Variants in TLR10 observed in about 807,000 individuals in gnomAD.
TLR10 encodes toll like receptor 10.
For missense variants in TLR10, 929 were observed against 932.9 expected, an observed-to-expected ratio of 1.00 and a Z score of 0.05; for synonymous variants, 288 against 338.8, an observed-to-expected ratio of 0.85 and a Z score of 1.65.
chr4:38,773,912 C>G lies in TLR10; in HGVS notation c.1679G>C (p.Arg560Thr). Residue 560 changes from arginine to threonine, a missense_variant, in exon 4 of 4, where the codon AGG becomes ACG. Transcript: ENST00000308973. ...ATGAACGTCTTTTAACCTAGTTCCC[C>G]TTAGGTTTAAAGGGTATTCACAGGT... is the stretch of plus-strand genomic sequence containing the variant. Reference protein sequence around the residue: ...SYTCEYPLNLRGTRLKDVHLH... With the variant: ...SYTCEYPLNLTGTRLKDVHLH... 1.3e-6 allele frequency: 2 copies of G among 1,591,562 alleles called. No individual in the cohort carries two copies. The highest frequency in any genetic ancestry group is 1.7e-6 in the Non-Finnish European group (2 of 1,169,282).
chr4:38,779,932 C>T (rs1725288860), intron 1 of TLR10, among the ~76,000 whole-genome samples: 1 of 152,174 alleles, frequency 6.6e-6, no homozygotes, highest in Non-Finnish European at 1.5e-5. Context: ...ACACATGGTG[C>T]CTGCTCATTA....
intron 1 of TLR10, among the ~76,000 whole-genome samples, chr4:38,777,881 G>A (rs1346303901): frequency 6.6e-6 from 1 of 152,220 alleles, no homozygotes; most frequent in Non-Finnish European, 1.5e-5. Context: ...AATTGTGGAA[G>A]ACAATGTGGC....
rs1256239382 is a variant in TLR10 at position 38,774,075 on chromosome 4, C to T, written c.1516G>A (p.Asp506Asn). ...EMNFILSPSL[D>N]FVQSCQEVKT... ...ACTTCCTGGCAGCTCTGAACAAAAT[C>T]CAGAGATGGGCTGAGAATGAAGTTC... is the stretch of plus-strand genomic sequence containing the variant. The change falls in exon 4 of 4, where the codon GAT becomes AAT. Residue 506 changes from aspartate to asparagine, a missense_variant. Coordinates refer to ENST00000308973, the MANE Select transcript of TLR10 (RefSeq NM_030956.4). The T allele has an allele frequency of 6.2e-7, 1 of 1,612,602 alleles. No individual in the cohort carries two copies. Among genetic ancestry groups the T allele is most frequent in the South Asian group, 1.1e-5 (1 of 91,024 alleles).
chr4:38,774,348 C>A lies in TLR10; in HGVS notation c.1243G>T (p.Glu415Ter), dbSNP rs767103640. 2 of 1,611,556 alleles carry A rather than the reference C, an allele frequency of 1.2e-6. No homozygotes were observed. Among genetic ancestry groups the A allele is most frequent in the East Asian group, 4.5e-5 (2 of 44,852 alleles). ...ACAGTTTCTGGCCATGAGCAATTTT[C>A]ATCATTTTTATGTTGTAATAGATTT... The part of the protein sequence containing the change: ...SQNLLQHKND[E>*]NCSWPETVVN... The change falls in exon 4 of 4, where the codon GAA becomes TAA. Residue 415 changes from glutamate (E) to a stop codon, truncating the protein, a stop_gained. Coordinates refer to ENST00000308973, the MANE Select transcript of TLR10 (RefSeq NM_030956.4). LOFTEE classifies it low-confidence loss of function (END_TRUNC).
chr4:38,779,313 T>C (rs927920555), intron 1 of TLR10, among the ~76,000 whole-genome samples: 1 of 152,222 alleles, frequency 6.6e-6, no homozygotes, highest in African/African-American at 2.4e-5. Context: ...AGCAATCATT[T>C]TGGTAAGGTC....
In TLR10 at chr4:38,773,920, T is replaced by G. The variant is rs1462679630; in HGVS notation, c.1671A>C (p.Leu557Phe). Residue 557 changes from leucine to phenylalanine, a missense_variant, in exon 4 of 4, where the codon TTA becomes TTC. By Grantham distance (22) the Leu-to-Phe change is conservative. Coordinates refer to ENST00000308973, the MANE Select transcript of TLR10 (RefSeq NM_030956.4). ...WSDSYTCEYP[L>F]NLRGTRLKDV... ...CTTTTAACCTAGTTCCCCTTAGGTT[T>G]AAAGGGTATTCACAGGTGTATGAAT... 3.1e-6 allele frequency: 5 copies of G among 1,589,734 alleles called. No homozygotes were observed. In the South Asian group the frequency reaches 5.8e-5, roughly 18 times the overall value.
Position 38,774,761 on chromosome 4 carries a change from C to A in TLR10, c.830G>T (p.Arg277Leu), listed in dbSNP as rs372475414. ...WHTSVEHFQI[R>L]NVTFGGKAYL... is the part of the protein sequence containing the mutation. ...AGCCTTACCACCAAAAGTCACATTT[C>A]GGATCTGAAAGTGTTCCACTGATGT... Residue 277 changes from arginine (R) to leucine (L), a missense_variant, in exon 4 of 4, where the codon CGA (arginine) becomes CTA (leucine). Arg to Leu is a moderately radical substitution (Grantham distance 102). Coordinates refer to ENST00000308973, the MANE Select transcript of TLR10 (RefSeq NM_030956.4). 5 of 1,601,958 alleles carry A rather than the reference C, an allele frequency of 3.1e-6. No homozygotes were observed. The highest frequency in any genetic ancestry group is 4.3e-6 in the Non-Finnish European group (5 of 1,176,154).
chr4:38,774,709 G>A lies in TLR10; in HGVS notation c.882C>T (p.Tyr294=). The change falls in exon 4 of 4, where the codon TAC becomes TAT. Residue 294 remains tyrosine, a synonymous_variant. Coordinates refer to ENST00000308973, the MANE Select transcript of TLR10 (RefSeq NM_030956.4). ...TTATAGTTCTCATTACAGTATTTGA[G>A]TAGTCAAATGAATTGTGGTCAAGAT... ...KAYLDHNSFD[Y]SNTVMRTIKL... is the part of the protein sequence containing the mutation. 6.3e-7 allele frequency: 1 copy of A among 1,578,330 alleles called. No homozygotes were observed. Among genetic ancestry groups the A allele is most frequent in the African/African-American group, 1.4e-5 (1 of 73,204 alleles).
Position 38,773,068 on chromosome 4 carries a change from A to T in TLR10, c.*87T>A. On this transcript the variant is annotated 3_prime_UTR_variant, in exon 4 of 4. Coordinates refer to ENST00000308973, the MANE Select transcript of TLR10 (RefSeq NM_030956.4). ...GAATAACCATTTTTTATTTTAATAA[A>T]TATTGTCAAATTGCCATCATAAAGG... 1 of 1,256,646 alleles carries T rather than the reference A, an allele frequency of 8.0e-7. No homozygotes were observed. 77.8% of individuals were successfully genotyped at this position (1,256,646 alleles called of 1,614,324 possible).
Position 38,775,643 on chromosome 4 carries a change from G to T in TLR10, c.-53C>A. Reference sequence around the variant, plus strand: ...TTCCTCATATGAATGATGAAGATGAGCTCAAAACCCTAAAAAAAAGTATAT... The same window carrying T: ...TTCCTCATATGAATGATGAAGATGATCTCAAAACCCTAAAAAAAAGTATAT... On this transcript the variant is annotated 5_prime_UTR_variant, in exon 4 of 4. Transcript: ENST00000308973. The T allele has an allele frequency of 6.8e-7, 1 of 1,465,286 alleles. No homozygotes were observed. The highest frequency in any genetic ancestry group is 9.1e-7 in the Non-Finnish European group (1 of 1,093,832). The allele number at this position is 1,465,286 out of a possible 1,614,324, so 90.8% of individuals were successfully genotyped here. A position where few individuals can be genotyped will look rare whatever the true frequency, so the allele number is the denominator to read the frequency against.
Position 38,775,210 on chromosome 4 carries a change from A to AT in TLR10, c.380dup (p.Asn127LysfsTer2). The AT allele has an allele frequency of 6.2e-7, 1 of 1,612,884 alleles. No homozygotes were observed. Among genetic ancestry groups the AT allele is most frequent in the Non-Finnish European group, 8.5e-7 (1 of 1,179,670 alleles). ...CACAGATAGGCATGGTGTCAAAGTC[A>AT]TTAAAAGAAAGATCTAAATACCTGA... On this transcript the variant is annotated frameshift_variant, in exon 4 of 4. Transcript: ENST00000308973. LOFTEE classifies it low-confidence loss of function (END_TRUNC).
chr4:38,775,453 C>G lies in TLR10; in HGVS notation c.138G>C (p.Leu46Phe), dbSNP rs746309428. The change falls in exon 4 of 4, where the codon TTG (leucine) becomes TTC (phenylalanine). Residue 46 changes from leucine to phenylalanine, a missense_variant. Transcript: ENST00000308973. ...AATCCAGTGTCGTTGTGGCTGGGGT[C>G]AAGTCTGCGGGAACCTTTCTTAGAG... is the stretch of plus-strand genomic sequence containing the variant. The part of the protein sequence containing the change: ...NMSLRKVPAD[L>F]TPATTTLDLS... 5 of 1,614,088 alleles carry G rather than the reference C, an allele frequency of 3.1e-6. No homozygotes were observed. The South Asian group carries it at 5.5e-5, about 18-fold the overall frequency.
chr4:38,778,836 T>G (rs561154300), intron 1 of TLR10: 4 of 152,194 alleles, frequency 2.6e-5, no homozygotes, highest in Admixed American at 2.6e-4. Flanking sequence ...GTGCGTGTCA[T>G]GTTCCCATCA....
Position 38,774,437 on chromosome 4 carries a change from T to A in TLR10, c.1154A>T (p.Glu385Val). 8 of 1,613,072 alleles carry A rather than the reference T, an allele frequency of 5.0e-6. No individual in the cohort carries two copies. Among genetic ancestry groups the A allele is most frequent in the Non-Finnish European group, 6.8e-6 (8 of 1,179,726 alleles). ...AAAGCAACTTACTAAAGAAAGTGTCTCCAGTTTATTGCCATTCAAAATGAG... is the reference window on the plus strand; with the variant it reads ...AAAGCAACTTACTAAAGAAAGTGTCACCAGTTTATTGCCATTCAAAATGAG... ...KTLILNGNKL[E>V]TLSLVSCFAN... The change falls in exon 4 of 4, where the codon GAG (glutamate) becomes GTG (valine). Residue 385 changes from glutamate to valine, a missense_variant. By Grantham distance (121) the Glu-to-Val change is moderately radical. Coordinates refer to ENST00000308973, the MANE Select transcript of TLR10 (RefSeq NM_030956.4).
Position 38,773,331 on chromosome 4 carries a change from A to G in TLR10, c.2260T>C (p.Tyr754His). 1 of 1,613,934 alleles carries G rather than the reference A, an allele frequency of 6.2e-7. No individual in the cohort carries two copies. The highest frequency in any genetic ancestry group is 8.5e-7 in the Non-Finnish European group (1 of 1,179,964). ...CGCCTATCCTTGGGCCATTCCAAGT[A>G]TGCTTTTTTTTCCAGGAGAGCTTTC... ...KLKALLEKKA[Y>H]LEWPKDRRKC... The change falls in exon 4 of 4, where the codon TAC (tyrosine) becomes CAC (histidine). Residue 754 changes from tyrosine to histidine, a missense_variant. Tyr to His is a moderately conservative substitution (Grantham distance 83, BLOSUM62 2). Coordinates refer to ENST00000308973, the MANE Select transcript of TLR10 (RefSeq NM_030956.4).
In TLR10 at chr4:38,775,211, T is replaced by C. The variant is rs114573525; in HGVS notation, c.380A>G (p.Asn127Ser). Residue 127 changes from asparagine to serine, a missense_variant, in exon 4 of 4, where the codon AAT (asparagine) becomes AGT (serine). Asn to Ser is a conservative substitution (Grantham distance 46, BLOSUM62 1). Coordinates refer to ENST00000308973, the MANE Select transcript of TLR10 (RefSeq NM_030956.4). ...AGLRYLDLSF[N>S]DFDTMPICEE... ...ACAGATAGGCATGGTGTCAAAGTCA[T>C]TAAAAGAAAGATCTAAATACCTGAG... 7.8e-5 allele frequency: 126 copies of C among 1,612,892 alleles called. No homozygotes were observed. In the African/African-American group the frequency reaches 1.6e-3, roughly 20 times the overall value.
chr4:38,775,481 A>C lies in TLR10; in HGVS notation c.110T>G (p.Met37Arg). Residue 37 changes from methionine (M) to arginine (R), a missense_variant, in exon 4 of 4, where the codon ATG (methionine) becomes AGG (arginine). By Grantham distance (91) the Met-to-Arg change is moderately conservative (BLOSUM62 -1). Coordinates refer to ENST00000308973, the MANE Select transcript of TLR10 (RefSeq NM_030956.4). ...GTCTGCGGGAACCTTTCTTAGAGAC[A>C]TGTTGGAGCAGTTGGTCATCAGTTC... ...ERELMTNCSN[M>R]SLRKVPADLT... is the part of the protein sequence containing the mutation. 1 of 1,614,112 alleles carries C rather than the reference A, an allele frequency of 6.2e-7. No individual in the cohort carries two copies. The highest frequency in any genetic ancestry group is 2.2e-5 in the East Asian group (1 of 44,880).
chr4:38,780,981 C>A (rs1334574798), intron 1 of TLR10, among the ~76,000 whole-genome samples: 1 of 151,878 alleles, frequency 6.6e-6, no homozygotes, highest in East Asian at 1.9e-4. Context: ...AGAATCTAAC[C>A]CAGTTGCTTT....
Position 38,773,963 on chromosome 4 carries a change from A to T in TLR10, c.1628T>A (p.Met543Lys). 1 of 1,584,170 alleles carries T rather than the reference A, an allele frequency of 6.3e-7. No individual in the cohort carries two copies. The highest frequency in any genetic ancestry group is 8.6e-7 in the Non-Finnish European group (1 of 1,163,698). Residue 543 changes from methionine (M) to lysine (K), a missense_variant, in exon 4 of 4, where the codon ATG becomes AAG. Transcript: ENST00000308973. ...GTATGAATCTGACCATCCAACCATC[A>T]TGACCTCTGAATATGTTTCAAGCTG... Reference protein sequence around the residue: ...FIQLETYSEVMMVGWSDSYTC... With the variant: ...FIQLETYSEVKMVGWSDSYTC...
Sources: gnomAD v4.1 joint callset for allele counts (sites outside exome capture counted in the v4.1 genomes callset) on GRCh38, gnomAD v4.1.1 for gene constraint, MANE v1.5 for transcripts, NCBI Gene and HGNC (gene_info 2026-07-23, HGNC 2026-07-21) for gene names.